PIDD1: variants seen among roughly 807,000 people sequenced by gnomAD.
The protein encoded by PIDD1 is p53-induced death domain protein 1.
A neutral mutation model predicts 80.0 loss-of-function variants in PIDD1; 72 were observed. The observed-to-expected ratio is 0.90, with a 90% CI of 0.74 to 1.09. The LOEUF is 1.09. Among genes scored for constraint, PIDD1 ranks in the 50% least tolerant of loss-of-function variants. PIDD1 has a pLI of 0.00. For synonymous variants in PIDD1, 655 were observed against 543.5 expected (o/e 1.21, Z -2.85); for missense variants, 1,329 against 1,228.3 (o/e 1.08, Z -1.23).
At position 802,336 on chromosome 11, in the gene PIDD1, G is replaced by C. The variant is rs764617775; in HGVS notation, c.1035C>G (p.Phe345Leu). ...VTLACGVRLQ[F>L]PAGATATPIT... is the part of the protein sequence containing the mutation. ...TGGGGGTGGCGGTGGCTCCCGCTGG[G>C]AACTGCAGGCGGACGCCACAGGCCA... Residue 345 changes from phenylalanine to leucine, a missense_variant, in exon 6 of 16, where the codon TTC becomes TTG. Phe to Leu is a conservative substitution (Grantham distance 22). Transcript: ENST00000347755. 3.0e-5 allele frequency: 48 copies of C among 1,611,784 alleles called. No homozygotes were observed. The highest frequency in any genetic ancestry group is 3.8e-5 in the Non-Finnish European group (45 of 1,179,784).
chr11:803,870 T>A (rs1392534242), intron 2 of PIDD1: 1 of 636,566 alleles, frequency 1.6e-6, no homozygotes, highest in African/African-American at 1.8e-5. Flanking sequence ...CTGGGCAGCG[T>A]CAGGGTCCAG....
In PIDD1 at chr11:804,244, G is replaced by A; in HGVS notation, c.145C>T (p.Gln49Ter). Residue 49 changes from glutamine to a stop codon, truncating the protein, a stop_gained, in exon 2 of 16, where the codon CAG (glutamine) becomes TAG (stop). Transcript: ENST00000347755. LOFTEE classifies it high-confidence loss of function. ...SLDLYPGGCQQLLHLCVQQPL... is the reference protein window; with the variant it reads ...SLDLYPGGCQ ...TGCTGGACACACAGGTGCAGCAGCT[G>A]CTGGCAGCCCCCGGGGTACAGGTCC... The A allele has an allele frequency of 1.9e-6, 3 of 1,613,076 alleles. No individual in the cohort carries two copies. Among genetic ancestry groups the A allele is most frequent in the Non-Finnish European group, 2.5e-6 (3 of 1,179,978 alleles).
Position 799,205 on chromosome 11 carries a change from G to A in PIDD1, c.*102C>T. On this transcript the variant is annotated 3_prime_UTR_variant, in exon 16 of 16. Coordinates refer to ENST00000347755, the MANE Select transcript of PIDD1 (RefSeq NM_145886.4). ...GAGGTGAAAGAAACAGTGCAGTTTTGTTGCTCACAGGGACCCGTCCCCACA... is the reference window on the plus strand; with the variant it reads ...GAGGTGAAAGAAACAGTGCAGTTTTATTGCTCACAGGGACCCGTCCCCACA... The A allele has an allele frequency of 8.4e-7, 1 of 1,193,806 alleles. No individual in the cohort carries two copies. The highest frequency in any genetic ancestry group is 1.1e-6 in the Non-Finnish European group (1 of 876,166). The allele number at this position is 1,193,806 out of a possible 1,614,324, so 74.0% of individuals were successfully genotyped here. A position where few individuals can be genotyped will look rare whatever the true frequency, so the allele number is the denominator to read the frequency against.
In PIDD1 at chr11:799,474, C is replaced by T; in HGVS notation, c.2566G>A (p.Ala856Thr). Residue 856 changes from alanine (A) to threonine (T), a missense_variant, in exon 16 of 16, where the codon GCC becomes ACC. By Grantham distance (58) the Ala-to-Thr change is moderately conservative. Transcript: ENST00000347755. Reference protein sequence around the residue: ...QPGAVGLLVQALEQSDRQDVA... With the variant: ...QPGAVGLLVQTLEQSDRQDVA... ...TCCTGCCGGTCACTCTGCTCCAGGG[C>T]CTGCACCAGGAGCCCCACAGCCCCT... 6.2e-7 allele frequency: 1 copy of T among 1,609,308 alleles called. No homozygotes were observed. Among genetic ancestry groups the T allele is most frequent in the Non-Finnish European group, 8.5e-7 (1 of 1,179,872 alleles).
chr11:803,678 G>A, intron 2 of PIDD1, 91 bp from the exon 3 acceptor site: 1 of 1,441,790 alleles, frequency 6.9e-7, no homozygotes, highest in Non-Finnish European at 9.4e-7. Flanking sequence ...TGCTCGAGAG[G>A]CACAGACCTC....
upstream of PIDD1, chr11:805,705 G>A: frequency 1.0e-6 from 1 of 984,030 alleles, no homozygotes. Context: ...TCCTCTCTGG[G>A]CCTGCAAAGA....
At position 801,301 on chromosome 11, in the gene PIDD1, G is replaced by A; in HGVS notation, c.1547C>T (p.Pro516Leu). The A allele has an allele frequency of 5.6e-6, 9 of 1,601,472 alleles. No homozygotes were observed. Among genetic ancestry groups the A allele is most frequent in the Non-Finnish European group, 6.8e-6 (8 of 1,173,720 alleles). ...ACCGCTCTGTGACAGGCACAGCAGG[G>A]GGCTCACTGCAGCCTCTGGTTCTCC... ...LLGEPEAAVS[P>L]LLCLSQSGPP... The change falls in exon 9 of 16, where the codon CCC becomes CTC. Residue 516 changes from proline (P) to leucine (L), a missense_variant. Coordinates refer to ENST00000347755, the MANE Select transcript of PIDD1 (RefSeq NM_145886.4).
In PIDD1 at chr11:799,382, G is replaced by A; in HGVS notation, c.2658C>T (p.Arg886=). The change falls in exon 16 of 16, where the codon CGC becomes CGT. Residue 886 remains arginine, a synonymous_variant. Coordinates refer to ENST00000347755, the MANE Select transcript of PIDD1 (RefSeq NM_145886.4). ...GRRKYQDSIR[R]MGLAPKDPAL... ...CGGGGTCCTTGGGGGCCAAGCCCAT[G>A]CGTCGGATGCTGTCCTGGTACTTGC... 1 of 1,611,848 alleles carries A rather than the reference G, an allele frequency of 6.2e-7. No individual in the cohort carries two copies. The highest frequency in any genetic ancestry group is 2.2e-5 in the East Asian group (1 of 44,884).
chr11:804,389 C>T lies in PIDD1; in HGVS notation c.-1G>A. 1.9e-6 allele frequency: 3 copies of T among 1,583,292 alleles called. No homozygotes were observed. The highest frequency in any genetic ancestry group is 2.6e-6 in the Non-Finnish European group (3 of 1,162,850). On this transcript the variant is annotated 5_prime_UTR_variant, in exon 2 of 16. Coordinates refer to ENST00000347755, the MANE Select transcript of PIDD1 (RefSeq NM_145886.4). Reference sequence around the variant, plus strand: ...CTGGCCCCTCCACCGTTGCAGCCATCGCCCACCGACGGTCCTTGGAGGCCA... The same window carrying T: ...CTGGCCCCTCCACCGTTGCAGCCATTGCCCACCGACGGTCCTTGGAGGCCA...
rs752942990 is a variant in PIDD1 at position 802,662 on chromosome 11, C to A, written c.919+20G>T. On this transcript the variant is annotated intron_variant, in intron 4 of 15. Coordinates refer to ENST00000347755, the MANE Select transcript of PIDD1 (RefSeq NM_145886.4). ...ACTCATGTCCTATCCCAGGTCTGCC[C>A]CTTCTAGCACCAAGCCTACCTGGTG... 2.5e-6 allele frequency: 4 copies of A among 1,607,244 alleles called. No individual in the cohort carries two copies. The highest frequency in any genetic ancestry group is 3.4e-5 in the Admixed American group (2 of 59,360).
In PIDD1 at chr11:800,257, C is replaced by T. The variant is rs747797890; in HGVS notation, c.2161-13G>A. The stretch of plus-strand genomic sequence containing the variant: ...GGTAGAAGGACACCTGAAGGGGCAT[C>T]GAATGGGGTTCGGAGTTCGGTCCTC... On this transcript the variant is annotated splice_polypyrimidine_tract_variant and intron_variant, in intron 13 of 15. Transcript: ENST00000347755. The T allele has an allele frequency of 2.3e-5, 37 of 1,610,984 alleles. No homozygotes were observed. The highest frequency in any genetic ancestry group is 1.6e-4 in the South Asian group (15 of 90,974).
upstream of PIDD1, among the ~76,000 whole-genome samples, chr11:808,330 G>C (rs1207648702): frequency 6.6e-6 from 1 of 152,042 alleles, no homozygotes; most frequent in African/African-American, 2.4e-5. Context: ...AGGAGACTGA[G>C]GCAGGAGAAT....
At chr11:801,172 C>T (rs755583546) in intron 9 of PIDD1, 46 bp downstream of exon 9, 8 of 1,544,554 alleles carry the variant, frequency 5.2e-6, no homozygotes, top group East Asian at 2.3e-5. Context: ...AGACCCCCTC[C>T]ACCCTATGGC....
At chr11:808,979 G>A (rs1214828213), upstream of PIDD1, among the ~76,000 whole-genome samples, 1 of 152,180 alleles carries the variant, frequency 6.6e-6, no homozygotes, top group East Asian at 1.9e-4. Flanking sequence ...TGCTCGCCCG[G>A]GATATTGGCA....
At position 799,276 on chromosome 11, in the gene PIDD1, A is replaced by T; in HGVS notation, c.*31T>A. ...GGGGGCTCTGCCCATCCACTGGGGA[A>T]TATCTGGGCCAGCCTAAAAGTCTGT... On this transcript the variant is annotated 3_prime_UTR_variant, in exon 16 of 16. Coordinates refer to ENST00000347755, the MANE Select transcript of PIDD1 (RefSeq NM_145886.4). The T allele has an allele frequency of 1.3e-6, 2 of 1,541,054 alleles. No individual in the cohort carries two copies. The highest frequency in any genetic ancestry group is 1.7e-6 in the Non-Finnish European group (2 of 1,145,262).
intron 7 of PIDD1, 41 bp downstream of exon 7, chr11:801,924 C>T (rs1865371014): frequency 4.4e-6 from 7 of 1,591,554 alleles, no homozygotes; most frequent in East Asian, 4.6e-5. Flanking sequence ...CTCAGGGCAG[C>T]AGCTCTCCAC....
chr11:800,797 C>G lies in PIDD1; in HGVS notation c.1882G>C (p.Glu628Gln). ...LIALQRRRDPEQVLLQCLPRN... is the reference protein window; with the variant it reads ...LIALQRRRDPQQVLLQCLPRN... The stretch of plus-strand genomic sequence containing the variant: ...GGCAGGCACTGCAGCAGGACCTGCT[C>G]AGGGTCCCGGCGCCGCTGCAGAGCG... Residue 628 changes from glutamate to glutamine, a missense_variant, in exon 11 of 16, where the codon GAG becomes CAG. Transcript: ENST00000347755. 2.6e-6 allele frequency: 4 copies of G among 1,555,860 alleles called. No individual in the cohort carries two copies. Among genetic ancestry groups the G allele is most frequent in the Non-Finnish European group, 8.7e-7 (1 of 1,150,574 alleles).
At chr11:808,604 G>A (rs549886829), upstream of PIDD1, among the ~76,000 whole-genome samples, 1 of 152,314 alleles carries the variant, frequency 6.6e-6, no homozygotes, top group Non-Finnish European at 1.5e-5. Context: ...GCTGAGGTGG[G>A]AGGATCACCT....
At chr11:802,121 GC>G in intron 6 of PIDD1, 31 bp from the exon 7 acceptor site, 1 of 1,563,928 alleles carries the variant, frequency 6.4e-7, no homozygotes, top group South Asian at 1.2e-5. Context: ...GAGCACTGGA[GC>G]CATGCCCGGG....
Sources: allele counts gnomAD v4.1 joint callset (sites outside exome capture counted in the v4.1 genomes callset), GRCh38; gene constraint gnomAD v4.1.1; transcripts MANE v1.5; gene names NCBI Gene and HGNC (gene_info 2026-07-23, HGNC 2026-07-21).